Variants in CCDC171 observed in about 807,000 individuals in gnomAD.
The protein encoded by CCDC171 is coiled-coil domain containing 171, also known as coiled-coil domain-containing protein 171.
Under a neutral mutation model 168.2 loss-of-function variants are expected in CCDC171, and 177 were observed. That is an observed-to-expected ratio of 1.05 (90% confidence interval 0.93 to 1.19). The LOEUF (loss-of-function observed/expected upper bound fraction) is 1.19, where lower values mean the gene tolerates loss of function less well. CCDC171 is among the 50% of genes most tolerant of loss of function. The probability of loss-of-function intolerance (pLI) is 0.00; values close to 1 mark genes in which losing one functional copy is unlikely to be tolerated. For synonymous variants in CCDC171, 687 were observed against 540.8 expected (o/e 1.27, Z -3.75); for missense variants, 1,991 against 1,539.0 (o/e 1.29, Z -4.91).
chr9:15,971,495 C>T (rs1831350719), intron 25 of CCDC171, 114 bp from the exon 26 acceptor site: 1 of 622,772 alleles, frequency 1.6e-6, no homozygotes, highest in Non-Finnish European at 2.8e-6. Flanking sequence ...TAGTAGTTTC[C>T]ATCTCATTTT....
chr9:15,650,385 A>G (rs554572295), intron 7 of CCDC171, among the ~76,000 whole-genome samples: 1 of 152,232 alleles, frequency 6.6e-6, no homozygotes, highest in South Asian at 2.1e-4. Flanking sequence ...GTACCCTAGA[A>G]CTTAAAGTAT....
chr9:15,625,484 A>T (rs376115097), intron 7 of CCDC171, among the ~76,000 whole-genome samples: 1 of 152,122 alleles, frequency 6.6e-6, no homozygotes, highest in Non-Finnish European at 1.5e-5. Context: ...ATCTTGAATT[A>T]ATTTTTGTAT....
At chr9:16,062,053 C>T (rs1156583056), downstream of CCDC171, among the ~76,000 whole-genome samples, 1 of 152,140 alleles carries the variant, frequency 6.6e-6, no homozygotes, top group Admixed American at 6.6e-5. Context: ...TTCATTTTAA[C>T]AATCCACTCT....
chr9:15,593,030 AC>A (rs1201568852), intron 5 of CCDC171, among the ~76,000 whole-genome samples: 1 of 150,112 alleles, frequency 6.7e-6, no homozygotes, highest in African/African-American at 2.5e-5. Context: ...CCACTCCCCC[AC>A]CCCACAACAG....
intron 24 of CCDC171, among the ~76,000 whole-genome samples, chr9:15,906,244 C>T (rs9695724): frequency 0.3 from 45,620 of 152,052 alleles, 7,029 homozygotes; most frequent in African/African-American, 0.35. Context: ...AGACCAATGT[C>T]CTTGATGAAC....
At chr9:15,562,030 T>C (rs2039342326) in intron 1 of CCDC171, among the ~76,000 whole-genome samples, 1 of 152,036 alleles carries the variant, frequency 6.6e-6, no homozygotes, top group Non-Finnish European at 1.5e-5. Context: ...AGTCTTACTC[T>C]GTAGCCCAGG....
chr9:15,596,405 C>G (rs2042361651), intron 6 of CCDC171, among the ~76,000 whole-genome samples: 1 of 152,026 alleles, frequency 6.6e-6, no homozygotes, highest in Non-Finnish European at 1.5e-5. Context: ...ATAGGGAATC[C>G]TTTCCCCATT....
At chr9:16,015,281 C>G (rs1036771927) in intron 3 of CCDC171, among the ~76,000 whole-genome samples, 10 of 152,160 alleles carry the variant, frequency 6.6e-5, no homozygotes, top group Admixed American at 5.2e-4. Context: ...TTGCTAGCCT[C>G]AAATCTTTCT....
intron 24 of CCDC171, among the ~76,000 whole-genome samples, chr9:15,881,410 T>A (rs1818622510): frequency 1.3e-5 from 2 of 152,210 alleles, no homozygotes; most frequent in Non-Finnish European, 1.5e-5. Context: ...TTCATATAAT[T>A]TGTAAAGTTC....
At chr9:15,623,475 G>GCACGCGCGCGCACACACACACACA (rs1554714959) in intron 7 of CCDC171, 62 bp downstream of exon 7, 1 of 293,710 alleles carries the variant, frequency 3.4e-6, no homozygotes, top group Non-Finnish European at 6.3e-6. Flanking sequence ...GCGCGCGCGC[G>GCACGCGCGCGCACACACACACACA]CACACACACA....
chr9:15,642,332 C>CGTGTGTGT (rs1220559854), intron 7 of CCDC171, among the ~76,000 whole-genome samples: 1 of 69,386 alleles, frequency 1.4e-5, no homozygotes, highest in Non-Finnish European at 2.7e-5. Flanking sequence ...TATATATACA[C>CGTGTGTGT]GTGTGTGTGT....
At chr9:15,585,748 CG>C (rs2041506983) in intron 4 of CCDC171, among the ~76,000 whole-genome samples, 1 of 152,036 alleles carries the variant, frequency 6.6e-6, no homozygotes, top group African/African-American at 2.4e-5. Flanking sequence ...GAGGTGGAGG[CG>C]GGTGGATCGC....
chr9:15,831,352 G>A (rs2060225321), intron 21 of CCDC171, among the ~76,000 whole-genome samples: 1 of 152,098 alleles, frequency 6.6e-6, no homozygotes, highest in African/African-American at 2.4e-5. Flanking sequence ...TGCAAACAAA[G>A]CTAAAAAATA....
intron 7 of CCDC171, among the ~76,000 whole-genome samples, chr9:15,638,197 G>C (rs764860464): frequency 3.9e-5 from 6 of 152,096 alleles, no homozygotes; most frequent in Non-Finnish European, 8.8e-5. Flanking sequence ...AATTTTACAA[G>C]TGGAGAGCTT....
intron 7 of CCDC171, among the ~76,000 whole-genome samples, chr9:15,629,881 T>A (rs1434494737): frequency 6.6e-6 from 1 of 152,162 alleles, no homozygotes; most frequent in Non-Finnish European, 1.5e-5. Flanking sequence ...TTCAACATTC[T>A]TAAAGAAAAA....
intron 6 of CCDC171, among the ~76,000 whole-genome samples, chr9:16,029,006 G>C (rs746273047): frequency 6.6e-6 from 1 of 152,088 alleles, no homozygotes; most frequent in African/African-American, 2.4e-5. Flanking sequence ...AAAGCCTTGA[G>C]CATAGAGCCC....
chr9:15,984,504 A>G (rs1831920941), intron 3 of CCDC171, among the ~76,000 whole-genome samples: 2 of 151,950 alleles, frequency 1.3e-5, no homozygotes, highest in African/African-American at 2.4e-5. Context: ...AAATAAGTGT[A>G]TTATCTTTGA....
exon 2 of CCDC171, chr9:16,061,138 C>T (rs546848418): frequency 6.6e-6 from 1 of 152,370 alleles, no homozygotes; most frequent in South Asian, 2.1e-4. Flanking sequence ...CCATTACCAA[C>T]CAGGTGGCTT....
intron 21 of CCDC171, among the ~76,000 whole-genome samples, chr9:15,790,126 G>A (rs912834974): frequency 2.0e-5 from 3 of 152,090 alleles, no homozygotes; most frequent in Admixed American, 1.3e-4. Flanking sequence ...GTAATGGGAC[G>A]GCTGGGTCAA....
Sources: gnomAD v4.1 joint callset for allele counts (sites outside exome capture counted in the v4.1 genomes callset) on GRCh38, gnomAD v4.1.1 for gene constraint, MANE v1.5 for transcripts, NCBI Gene and HGNC (gene_info 2026-07-23, HGNC 2026-07-21) for gene names.